The following C1QTNF3 variants were observed in gnomAD, a reference collection of about 807,000 sequenced individuals.
C1QTNF3 encodes C1q and TNF related 3, also known as complement C1q tumor necrosis factor-related protein 3.
A neutral mutation model predicts 32.6 loss-of-function variants in C1QTNF3; 26 were observed. The observed-to-expected ratio is 0.80, with a 90% CI of 0.58 to 1.11. C1QTNF3 has a LOEUF of 1.11. C1QTNF3 is among the 50% of genes least tolerant of loss of function. The pLI, the probability that C1QTNF3 is intolerant of heterozygous loss-of-function variation, is 0.00. For missense variants in C1QTNF3, 362 were observed against 398.2 expected (o/e 0.91, Z 0.77); for synonymous variants, 155 against 146.0 (o/e 1.06, Z -0.44).
chr5:34,170,254 G>A, the C1QTNF3 span, among the ~76,000 whole-genome samples: 1 of 152,160 alleles, frequency 6.6e-6, no homozygotes, highest in African/African-American at 2.4e-5. Context: ...AGGCAGAGAA[G>A]ACCACAGTGG....
At chr5:34,089,603 G>A in the C1QTNF3 span, among the ~76,000 whole-genome samples, 1 of 152,184 alleles carries the variant, frequency 6.6e-6, no homozygotes, top group Admixed American at 6.5e-5. Context: ...AAAACCGTGA[G>A]AAAGAAATTT....
At chr5:34,110,415 T>C in the C1QTNF3 span, among the ~76,000 whole-genome samples, 1 of 152,032 alleles carries the variant, frequency 6.6e-6, no homozygotes, top group African/African-American at 2.4e-5. Flanking sequence ...AGTTAGAACA[T>C]GTCTACCCAC....
the C1QTNF3 span, among the ~76,000 whole-genome samples, chr5:34,227,749 T>C: frequency 1.3e-5 from 2 of 151,862 alleles, no homozygotes; most frequent in Non-Finnish European, 2.9e-5. Flanking sequence ...TGAGGACAAA[T>C]TGACCAATGT....
chr5:34,068,463 T>C, the C1QTNF3 span, among the ~76,000 whole-genome samples: 1 of 152,032 alleles, frequency 6.6e-6, no homozygotes, highest in South Asian at 2.1e-4. Flanking sequence ...AGCTGGTACT[T>C]CTCACCAGGT....
the C1QTNF3 span, among the ~76,000 whole-genome samples, chr5:34,129,520 CTTGA>C: frequency 4.6e-5 from 7 of 152,048 alleles, no homozygotes; most frequent in African/African-American, 1.4e-4. Context: ...TGGGTATGAA[CTTGA>C]TTTAGTCATT....
the C1QTNF3 span, chr5:34,167,651 AGG>A: frequency 6.6e-6 from 1 of 152,218 alleles, no homozygotes; most frequent in African/African-American, 2.4e-5. Flanking sequence ...TTTGGGCAGA[AGG>A]GTAAGATTTT....
the C1QTNF3 span, among the ~76,000 whole-genome samples, chr5:34,135,546 T>C: frequency 6.6e-6 from 1 of 152,108 alleles, no homozygotes; most frequent in Non-Finnish European, 1.5e-5. Context: ...ATCTGTCTGG[T>C]CCTGGACTTT....
the C1QTNF3 span, among the ~76,000 whole-genome samples, chr5:34,128,578 C>T: frequency 2.6e-5 from 4 of 152,180 alleles, no homozygotes; most frequent in Non-Finnish European, 5.9e-5. Flanking sequence ...GCCTTGAGAG[C>T]CCACTTGTTG....
At position 34,023,017 on chromosome 5, in the gene C1QTNF3, G is replaced by A. The variant is rs185709611; in HGVS notation, c.800+892C>T. The stretch of plus-strand genomic sequence containing the variant: ...ACTACAGGCGCCTGCCACCATGCCC[G>A]GGTAATTTTTTGTATTTTTAGTAGA... On this transcript the variant is annotated intron_variant, in intron 5 of 5. Transcript: ENST00000382065. 6.1e-4 allele frequency among the ~76,000 whole-genome samples: 93 copies of A among 152,094 alleles called. 1 individual carries two copies. The East Asian group carries it at 0.016, about 25-fold the overall frequency.
At chr5:34,186,661 T>C in the C1QTNF3 span, among the ~76,000 whole-genome samples, 1 of 152,378 alleles carries the variant, frequency 6.6e-6, no homozygotes, top group South Asian at 2.1e-4. Flanking sequence ...GGACTATAAG[T>C]GTGTACCACA....
the C1QTNF3 span, among the ~76,000 whole-genome samples, chr5:34,056,823 T>A: frequency 2.0e-5 from 3 of 152,052 alleles, no homozygotes; most frequent in East Asian, 5.8e-4. Context: ...ACTTTTACAT[T>A]CTAATGAACC....
the C1QTNF3 span, among the ~76,000 whole-genome samples, chr5:34,049,867 T>A: frequency 1.3e-4 from 20 of 152,200 alleles, no homozygotes; most frequent in Non-Finnish European, 2.9e-5. Flanking sequence ...CCTGTCTACA[T>A]TATGGCAGGT....
chr5:34,226,302 C>T, the C1QTNF3 span, among the ~76,000 whole-genome samples: 4 of 151,722 alleles, frequency 2.6e-5, no homozygotes, highest in Non-Finnish European at 4.4e-5. Context: ...GCTCTTTTAT[C>T]GGCCAAACTT....
chr5:34,074,499 C>T, the C1QTNF3 span, among the ~76,000 whole-genome samples: 1 of 151,562 alleles, frequency 6.6e-6, no homozygotes. Flanking sequence ...ACCTTGTCAT[C>T]TCTCCTTCTT....
the C1QTNF3 span, among the ~76,000 whole-genome samples, chr5:34,155,052 G>C: frequency 0.61 from 92,243 of 151,970 alleles, 28,345 homozygotes; most frequent in Non-Finnish European, 0.64. Flanking sequence ...CCTACCTACC[G>C]CAGATATCAT....
At chr5:34,107,008 G>C in the C1QTNF3 span, among the ~76,000 whole-genome samples, 1 of 78,506 alleles carries the variant, frequency 1.3e-5, no homozygotes, top group East Asian at 2.4e-4. Context: ...TTTGAACGCT[G>C]GAAACCCTTT....
the C1QTNF3 span, among the ~76,000 whole-genome samples, chr5:34,243,300 G>C: frequency 1.3e-5 from 2 of 152,266 alleles, no homozygotes; most frequent in East Asian, 1.9e-4. Flanking sequence ...TAATTAAAAA[G>C]TAAAAAAATT....
chr5:34,090,301 GT>G, the C1QTNF3 span, among the ~76,000 whole-genome samples: 6 of 146,440 alleles, frequency 4.1e-5, no homozygotes, highest in African/African-American at 1.5e-4. Flanking sequence ...ATCTCTACTG[GT>G]TTTCTCATAC....
At chr5:34,188,533 G>A in the C1QTNF3 span, among the ~76,000 whole-genome samples, 1 of 152,424 alleles carries the variant, frequency 6.6e-6, no homozygotes, top group East Asian at 1.9e-4. Context: ...GACACATGGA[G>A]TCAAAGGAGG....
Sources: gnomAD v4.1 joint callset for allele counts (sites outside exome capture counted in the v4.1 genomes callset) on GRCh38, gnomAD v4.1.1 for gene constraint, MANE v1.5 for transcripts, NCBI Gene and HGNC (gene_info 2026-07-23, HGNC 2026-07-21) for gene names.